SPOCK1: variants seen among roughly 807,000 people sequenced by gnomAD.
SPOCK1 encodes the protein testican-1.
In SPOCK1, 23 loss-of-function variants were observed where a neutral mutation model predicts 55.3. The ratio of observed to expected loss-of-function variants is 0.42; its 90% CI spans 0.30 to 0.59. SPOCK1 has a LOEUF of 0.59. Among genes scored for constraint, SPOCK1 ranks in the 20% least tolerant of loss-of-function variants. The probability of loss-of-function intolerance (pLI) is 0.22; values close to 1 mark genes in which losing one functional copy is unlikely to be tolerated. For synonymous variants in SPOCK1, 226 were observed against 221.0 expected, an observed-to-expected ratio of 1.02 and a Z score of -0.20; for missense variants, 499 against 552.5, an observed-to-expected ratio of 0.90 and a Z score of 0.97.
At position 137,180,568 on chromosome 5, in the gene SPOCK1, C is replaced by T. The variant is rs527648437; in HGVS notation, c.233-39874G>A. On this transcript the variant is annotated intron_variant, in intron 3 of 10. Transcript: ENST00000394945. ...CCTCAAAGACCCTGCTACTAAGAGACTCAGGACTGACAATGACCTGTACCA... is the reference window on the plus strand; with the variant it reads ...CCTCAAAGACCCTGCTACTAAGAGATTCAGGACTGACAATGACCTGTACCA... 5.9e-5 allele frequency among the ~76,000 whole-genome samples: 9 copies of T among 152,288 alleles called. No homozygotes were observed. The South Asian group carries it at 1.9e-3, about 32-fold the overall frequency.
At chr5:137,235,411 T>C (rs569417215) in intron 3 of SPOCK1, among the ~76,000 whole-genome samples, 1 of 152,336 alleles carries the variant, frequency 6.6e-6, no homozygotes, top group South Asian at 2.1e-4. Context: ...GTAAAATAAC[T>C]GCACGCAAAA....
chr5:137,323,876 T>C (rs1007874860), intron 2 of SPOCK1, among the ~76,000 whole-genome samples: 3 of 152,146 alleles, frequency 2.0e-5, no homozygotes, highest in Admixed American at 6.5e-5. Flanking sequence ...TATTATCAGA[T>C]AGTGTAAATT....
chr5:137,316,697 G>T (rs1377928702), intron 2 of SPOCK1, among the ~76,000 whole-genome samples: 4 of 152,002 alleles, frequency 2.6e-5, no homozygotes, highest in Admixed American at 6.6e-5. Flanking sequence ...TTTTTTCCTT[G>T]CAGTTTTCAT....
intron 7 of SPOCK1, among the ~76,000 whole-genome samples, chr5:136,991,717 T>C (rs1750951387): frequency 6.6e-6 from 1 of 152,212 alleles, no homozygotes; most frequent in Non-Finnish European, 1.5e-5. Context: ...CTGTGCTCAT[T>C]GGCCACAGTG....
intron 2 of SPOCK1, among the ~76,000 whole-genome samples, chr5:137,425,924 G>T (rs760764840): frequency 2.5e-4 from 37 of 149,306 alleles, no homozygotes; most frequent in African/African-American, 6.4e-4. Context: ...CCCCTTTGGG[G>T]TATGCATTCA....
chr5:137,349,295 C>T (rs1750627015), intron 2 of SPOCK1, among the ~76,000 whole-genome samples: 2 of 152,164 alleles, frequency 1.3e-5, no homozygotes, highest in Admixed American at 1.3e-4. Flanking sequence ...AGGGTAGTAA[C>T]TATAATTGCC....
intron 3 of SPOCK1, among the ~76,000 whole-genome samples, chr5:137,225,840 T>C (rs1755935146): frequency 6.6e-6 from 1 of 152,142 alleles, no homozygotes; most frequent in Non-Finnish European, 1.5e-5. Context: ...CTTCAAGAAC[T>C]GAGAAAGGAA....
chr5:137,356,209 C>T (rs75728365), intron 2 of SPOCK1, among the ~76,000 whole-genome samples: 3,515 of 152,246 alleles, frequency 0.023, 51 homozygotes, highest in Non-Finnish European at 0.037. Context: ...AACTCTAACT[C>T]GGCCCCAGCC....
chr5:137,450,300 A>G (rs1431340939), intron 2 of SPOCK1, among the ~76,000 whole-genome samples: 1 of 152,216 alleles, frequency 6.6e-6, no homozygotes, highest in Non-Finnish European at 1.5e-5. Context: ...ACCCACTGGG[A>G]TAGAGTGGGT....
intron 3 of SPOCK1, among the ~76,000 whole-genome samples, chr5:137,245,776 C>CAAA (rs143599362): frequency 2.1e-4 from 29 of 140,910 alleles, no homozygotes; most frequent in Admixed American, 4.2e-4. Flanking sequence ...CAAAACAAAA[C>CAAA]AAAAAAAAAA....
intron 3 of SPOCK1, among the ~76,000 whole-genome samples, chr5:137,147,951 A>C (rs1754236242): frequency 2.0e-5 from 3 of 152,370 alleles, no homozygotes; most frequent in South Asian, 4.1e-4. Flanking sequence ...GTAACTTCCC[A>C]GCACCATAAA....
At chr5:137,425,743 G>C (rs183533471) in intron 2 of SPOCK1, among the ~76,000 whole-genome samples, 2 of 152,224 alleles carry the variant, frequency 1.3e-5, no homozygotes, top group East Asian at 1.9e-4. Context: ...TTTCTTGAGT[G>C]TCAATTTTAC....
intron 4 of SPOCK1, among the ~76,000 whole-genome samples, chr5:137,115,606 G>A (rs1484626034): frequency 6.6e-6 from 1 of 152,044 alleles, no homozygotes; most frequent in Non-Finnish European, 1.5e-5. Context: ...CTTCTCCTAG[G>A]ACACGTTGGG....
intron 3 of SPOCK1, among the ~76,000 whole-genome samples, chr5:137,186,563 A>C (rs1388918955): frequency 1.3e-5 from 2 of 152,244 alleles, no homozygotes; most frequent in Non-Finnish European, 2.9e-5. Flanking sequence ...AGGGGACAGA[A>C]GACATGGGGC....
At chr5:137,477,869 G>A in intron 2 of SPOCK1, among the ~76,000 whole-genome samples, 1 of 152,230 alleles carries the variant, frequency 6.6e-6, no homozygotes, top group Non-Finnish European at 1.5e-5. Flanking sequence ...TTGGCTTCAT[G>A]TAAGGAAGCT....
At chr5:137,158,864 C>G (rs1754471456) in intron 3 of SPOCK1, among the ~76,000 whole-genome samples, 1 of 152,116 alleles carries the variant, frequency 6.6e-6, no homozygotes, top group Non-Finnish European at 1.5e-5. Context: ...AGGATGGGAT[C>G]TCCTAAAGAG....
At chr5:137,356,830 TATATATATAGAGAGAGAGAG>T (rs1416373721) in intron 2 of SPOCK1, among the ~76,000 whole-genome samples, 1 of 11,990 alleles carries the variant, frequency 8.3e-5, no homozygotes, top group Non-Finnish European at 1.6e-4. Flanking sequence ...TATATATATA[TATATATATAGAGAGAGAGAG>T]AGAGAGAGAG....
chr5:137,278,662 G>T (rs561484474), intron 2 of SPOCK1, among the ~76,000 whole-genome samples: 1 of 152,270 alleles, frequency 6.6e-6, no homozygotes, highest in South Asian at 2.1e-4. Context: ...ACGCAACTCT[G>T]TAATTGTTGT....
chr5:137,075,968 G>A (rs1752750158), intron 5 of SPOCK1, among the ~76,000 whole-genome samples: 1 of 152,208 alleles, frequency 6.6e-6, no homozygotes, highest in African/African-American at 2.4e-5. Flanking sequence ...ACTTAACTGG[G>A]ATTTCGGAGA....
Sources: allele counts gnomAD v4.1 joint callset (sites outside exome capture counted in the v4.1 genomes callset), GRCh38; gene constraint gnomAD v4.1.1; transcripts MANE v1.5; gene names NCBI Gene and HGNC (gene_info 2026-07-23, HGNC 2026-07-21).